KCNN2: variants seen among roughly 807,000 people sequenced by gnomAD.
KCNN2 encodes potassium calcium-activated channel subfamily N member 2.
A neutral mutation model predicts 55.5 loss-of-function variants in KCNN2; 24 were observed. The observed-to-expected ratio is 0.43, with a 90% CI of 0.31 to 0.61. The LOEUF is 0.61. KCNN2 is among the 20% of genes least tolerant of loss of function. KCNN2 has a pLI of 0.08. For synonymous variants in KCNN2, 431 were observed against 336.1 expected (o/e 1.28, Z -3.09); for missense variants, 754 against 853.6 (o/e 0.88, Z 1.45).
rs1270331471 is a variant in KCNN2, at chr5:114,312,418, CACACACACACACACACAT to C, written c.-184-48525_-184-48508del. On this transcript the variant is annotated intron_variant, in intron 2 of 10. Transcript: ENST00000512097. ...ACACACACACACACACACACACACA[CACACACACACACACACAT>C]ATATATATATATATATATATATATA... Among the ~76,000 whole-genome samples the C allele has an allele frequency of 1.5e-3, 105 of 70,858 alleles. No individual in the cohort carries two copies. In the East Asian group the frequency reaches 0.022, roughly 15 times the overall value. The allele number at this position is 70,858 out of a possible 152,430, so 46.5% of individuals were successfully genotyped here. A position where few individuals can be genotyped will look rare whatever the true frequency, so the allele number is the denominator to read the frequency against.
At chr5:114,320,424 T>C (rs1356567338) in intron 2 of KCNN2, among the ~76,000 whole-genome samples, 2 of 151,842 alleles carry the variant, frequency 1.3e-5, no homozygotes, top group African/African-American at 4.8e-5. Flanking sequence ...CCATCCTGGC[T>C]AACATGGTGA....
intron 1 of KCNN2, among the ~76,000 whole-genome samples, chr5:114,082,275 G>C (rs887748516): frequency 8.6e-5 from 13 of 151,280 alleles, no homozygotes; most frequent in Non-Finnish European, 1.6e-4. Flanking sequence ...AGTGAGCTTT[G>C]ATTGTGCCAC....
At chr5:114,083,812 C>T (rs911473246) in intron 1 of KCNN2, among the ~76,000 whole-genome samples, 17 of 152,114 alleles carry the variant, frequency 1.1e-4, no homozygotes, top group African/African-American at 4.1e-4. Context: ...GTTTCACTGC[C>T]CTAAAAATCC....
At chr5:114,365,669 G>A (rs936507505) in intron 2 of KCNN2, among the ~76,000 whole-genome samples, 2 of 152,188 alleles carry the variant, frequency 1.3e-5, no homozygotes, top group East Asian at 1.9e-4. Flanking sequence ...TGTGAAACGT[G>A]AATATTTCTT....
intron 3 of KCNN2, among the ~76,000 whole-genome samples, chr5:114,407,649 A>G (rs780198731): frequency 2.0e-5 from 3 of 152,180 alleles, no homozygotes; most frequent in African/African-American, 2.4e-5. Context: ...AGCAATTTCA[A>G]TACCTTTACA....
chr5:114,296,977 T>C lies in KCNN2; in HGVS notation c.-184-63968T>C, dbSNP rs140424658. Among the ~76,000 whole-genome samples, 557 of 152,320 alleles carry C rather than the reference T, an allele frequency of 3.7e-3. 14 individuals carry two copies. Among genetic ancestry groups the C allele is most frequent in the Admixed American group, 6.4e-3 (98 of 15,292 alleles). On this transcript the variant is annotated intron_variant, in intron 2 of 10. Coordinates refer to the KCNN2 transcript ENST00000512097. ...TTATTTCAGGGGCTCTGTGTGAGTA[T>C]TTCCTCCTTAGCTACTTGCTTGGTA...
intron 1 of KCNN2, among the ~76,000 whole-genome samples, chr5:114,168,956 G>A (rs1307487770): frequency 6.6e-6 from 1 of 152,088 alleles, no homozygotes; most frequent in African/African-American, 2.4e-5. Flanking sequence ...GAGGTGACTG[G>A]ATCATGGGGA....
At chr5:114,383,417 T>C (rs962774158) in intron 2 of KCNN2, among the ~76,000 whole-genome samples, 1 of 149,808 alleles carries the variant, frequency 6.7e-6, no homozygotes. Flanking sequence ...GAGGGGAAGG[T>C]GAGGCAAAGG....
intron 1 of KCNN2, among the ~76,000 whole-genome samples, chr5:114,079,838 TGTGTGTGAGA>T (rs1166716138): frequency 1.4e-5 from 2 of 144,858 alleles, no homozygotes; most frequent in South Asian, 2.2e-4. Context: ...TGTGTGTGTG[TGTGTGTGAGA>T]GAGAGAGAGA....
At chr5:114,108,831 A>G (rs1458519576) in intron 1 of KCNN2, among the ~76,000 whole-genome samples, 1 of 152,094 alleles carries the variant, frequency 6.6e-6, no homozygotes, top group Admixed American at 6.6e-5. Flanking sequence ...GCAATAAGCA[A>G]TTATATAAAA....
intron 2 of KCNN2, among the ~76,000 whole-genome samples, chr5:114,395,902 C>T (rs1758599759): frequency 6.6e-6 from 1 of 152,140 alleles, no homozygotes; most frequent in African/African-American, 2.4e-5. Context: ...GTTCTCTTCA[C>T]TTTGTCTAAT....
chr5:114,407,100 A>G (rs1407680243), intron 3 of KCNN2, among the ~76,000 whole-genome samples: 1 of 152,050 alleles, frequency 6.6e-6, no homozygotes, highest in Non-Finnish European at 1.5e-5. Flanking sequence ...ATGTAATTTA[A>G]TGCATCCTTG....
intron 1 of KCNN2, among the ~76,000 whole-genome samples, chr5:114,097,730 A>T (rs1400915353): frequency 1.3e-5 from 2 of 152,140 alleles, no homozygotes; most frequent in African/African-American, 2.4e-5. Context: ...TAGAACTTCT[A>T]TTCCATCTTA....
chr5:114,142,194 G>A (rs1172010540), intron 1 of KCNN2, among the ~76,000 whole-genome samples: 3 of 152,150 alleles, frequency 2.0e-5, no homozygotes, highest in African/African-American at 7.2e-5. Flanking sequence ...TTTTAGACAT[G>A]AAGTCCTTGT....
At chr5:114,212,628 A>AG (rs1753911675) in intron 1 of KCNN2, among the ~76,000 whole-genome samples, 1 of 152,036 alleles carries the variant, frequency 6.6e-6, no homozygotes, top group Non-Finnish European at 1.5e-5. Flanking sequence ...GTAAAAAAAA[A>AG]TGCTTTCATA....
At chr5:114,212,981 A>G (rs1753920301) in intron 1 of KCNN2, among the ~76,000 whole-genome samples, 1 of 151,942 alleles carries the variant, frequency 6.6e-6, no homozygotes, top group Admixed American at 6.6e-5. Context: ...TTGCCTTTGG[A>G]GTACTTCTGG....
At chr5:114,404,345 A>G (rs966459955) in intron 2 of KCNN2, 93 bp from the exon 3 acceptor site, 35 of 1,014,662 alleles carry the variant, frequency 3.4e-5, no homozygotes, top group Non-Finnish European at 4.8e-5. Flanking sequence ...CATGATTGCT[A>G]AAAGTCATCT....
Position 114,371,096 on chromosome 5 carries a change from G to A in KCNN2, c.1218+7095G>A, listed in dbSNP as rs531602521. ...TAGAATGTGGCAGGTAAGGGCAAGG[G>A]CCAATACAAAGATGATTGATGGGGT... On this transcript the variant is annotated intron_variant, in intron 2 of 7. Coordinates refer to ENST00000673685, the MANE Select transcript of KCNN2 (RefSeq NM_021614.4). 2.6e-5 allele frequency among the ~76,000 whole-genome samples: 4 copies of A among 152,300 alleles called. No individual in the cohort carries two copies. In the South Asian group the frequency reaches 8.3e-4, roughly 32 times the overall value.
chr5:114,474,600 A>G (rs1159128156), intron 5 of KCNN2, among the ~76,000 whole-genome samples: 5 of 152,202 alleles, frequency 3.3e-5, no homozygotes, highest in Non-Finnish European at 7.3e-5. Flanking sequence ...AAATATGTGC[A>G]TATGAGATTA....
Sources: gnomAD v4.1 joint callset for allele counts (sites outside exome capture counted in the v4.1 genomes callset) on GRCh38, gnomAD v4.1.1 for gene constraint, MANE v1.5 for transcripts, NCBI Gene and HGNC (gene_info 2026-07-23, HGNC 2026-07-21) for gene names.